The following CAP2 variants were observed in gnomAD, a reference collection of about 807,000 sequenced individuals.
The protein encoded by CAP2 is adenylyl cyclase-associated protein 2.
Under a neutral mutation model 57.7 loss-of-function variants are expected in CAP2, and 24 were observed. That is an observed-to-expected ratio of 0.42 (90% CI 0.30 to 0.58). CAP2 has a LOEUF of 0.58. Ranked by LOEUF, CAP2 falls within the 20% of genes least tolerant of loss-of-function variation. The pLI, the probability that CAP2 is intolerant of heterozygous loss-of-function variation, is 0.22. For synonymous variants in CAP2, 194 were observed against 207.2 expected, an observed-to-expected ratio of 0.94 and a Z score of 0.55; for missense variants, 501 against 590.3, an observed-to-expected ratio of 0.85 and a Z score of 1.57.
At chr6:17,413,473 C>G (rs147172951) in intron 1 of CAP2, among the ~76,000 whole-genome samples, 6 of 152,262 alleles carry the variant, frequency 3.9e-5, no homozygotes, top group South Asian at 4.1e-4. Context: ...GGTTTGCTTT[C>G]AGCCCCCTCA....
chr6:17,474,184 TC>T (rs368859642), intron 4 of CAP2, among the ~76,000 whole-genome samples: 1,077 of 99,142 alleles, frequency 0.011, 15 homozygotes, highest in African/African-American at 0.048. Context: ...AAAAAAACAG[TC>T]TTTTTTTTTT....
rs759649009 is a variant in CAP2, at chr6:17,539,287, G to A, written c.655G>A (p.Val219Ile). Residue 219 changes from valine (V) to isoleucine (I), a missense_variant, in exon 8 of 13, where the codon GTA becomes ATA. Physicochemically the swap from Val to Ile is conservative, Grantham distance 29. Coordinates refer to ENST00000229922, the MANE Select transcript of CAP2 (RefSeq NM_006366.3). ...TTCTCAGGGTCCTGTAGCATCCACAGTATCAGCGTTTTCTGTCCTCTCCTC... is the reference window on the plus strand; with the variant it reads ...TTCTCAGGGTCCTGTAGCATCCACAATATCAGCGTTTTCTGTCCTCTCCTC... Reference protein sequence around the residue: ...WSKTGPVASTVSAFSVLSSGP... With the variant: ...WSKTGPVASTISAFSVLSSGP... 3.8e-5 allele frequency: 62 copies of A among 1,613,544 alleles called. No individual in the cohort carries two copies. The highest frequency in any genetic ancestry group is 5.2e-5 in the Non-Finnish European group (61 of 1,179,770).
At chr6:17,507,618 G>T in intron 5 of CAP2, 23 bp from the exon 6 acceptor site, 9 of 1,391,056 alleles carry the variant, frequency 6.5e-6, no homozygotes, top group Non-Finnish European at 9.2e-6. Context: ...TTCTATGCTT[G>T]GGTGACGGTC....
intron 7 of CAP2, among the ~76,000 whole-genome samples, chr6:17,521,116 TAG>T (rs923509369): frequency 9.9e-5 from 15 of 152,180 alleles, no homozygotes; most frequent in Non-Finnish European, 2.1e-4. Context: ...CAACAGGGGT[TAG>T]AAGTGTCATC....
At chr6:17,487,903 C>T (rs542440417) in intron 4 of CAP2, among the ~76,000 whole-genome samples, 1 of 152,236 alleles carries the variant, frequency 6.6e-6, no homozygotes, top group East Asian at 1.9e-4. Context: ...CTCAGCCTGC[C>T]TAGTAGCTGG....
intron 11 of CAP2, among the ~76,000 whole-genome samples, chr6:17,550,824 G>A (rs904774066): frequency 2.6e-5 from 4 of 152,088 alleles, no homozygotes; most frequent in South Asian, 4.1e-4. Flanking sequence ...TATAATGAGT[G>A]TCCTGAGCCA....
At chr6:17,548,299 G>A (rs751619781) in intron 11 of CAP2, among the ~76,000 whole-genome samples, 4 of 151,638 alleles carry the variant, frequency 2.6e-5, no homozygotes, top group South Asian at 2.1e-4. Context: ...CCTGGGAGGC[G>A]GAGGTTGCAG....
intron 1 of CAP2, among the ~76,000 whole-genome samples, chr6:17,416,403 C>T (rs1759276056): frequency 1.3e-5 from 2 of 152,278 alleles, no homozygotes; most frequent in South Asian, 4.1e-4. Flanking sequence ...TACCTTTATA[C>T]TTAATGGCAA....
intron 1 of CAP2, among the ~76,000 whole-genome samples, chr6:17,412,144 C>T (rs944720203): frequency 3.3e-5 from 5 of 152,076 alleles, no homozygotes; most frequent in Admixed American, 6.5e-5. Context: ...ATGTACTTAG[C>T]CTTCCCCATG....
At chr6:17,495,968 C>T (rs823434) in intron 4 of CAP2, among the ~76,000 whole-genome samples, 10,964 of 138,972 alleles carry the variant, frequency 0.079, 1,354 homozygotes, top group African/African-American at 0.28. Flanking sequence ...GCTATGCCAG[C>T]AGCCCATCCA....
intron 3 of CAP2, among the ~76,000 whole-genome samples, chr6:17,427,364 A>G (rs564691408): frequency 1.3e-5 from 2 of 152,280 alleles, no homozygotes; most frequent in Admixed American, 6.5e-5. Flanking sequence ...CAGAGGACTC[A>G]GGGCGATTTG....
intron 7 of CAP2, among the ~76,000 whole-genome samples, chr6:17,519,188 A>G (rs1439984759): frequency 6.6e-6 from 1 of 152,148 alleles, no homozygotes; most frequent in Non-Finnish European, 1.5e-5. Context: ...TCCCTGAGTT[A>G]ACAGTTGGAG....
In CAP2 at chr6:17,513,860, A is replaced by G. The variant is rs1013334096; in HGVS notation, c.542A>G (p.His181Arg). 1.2e-6 allele frequency: 2 copies of G among 1,609,996 alleles called. No homozygotes were observed. Among genetic ancestry groups the G allele is most frequent in the African/African-American group, 2.7e-5 (2 of 74,842 alleles). ...CTTTCACAACAAAGTGATTTGCGTC[A>G]TGTGGATTGGGTGAAGTCATATTTG... The part of the protein sequence containing the change: ...LKDYKHSDLR[H>R]VDWVKSYLNI... The change falls in exon 7 of 13, where the codon CAT (histidine) becomes CGT (arginine). Residue 181 changes from histidine to arginine, a missense_variant. By Grantham distance (29) the His-to-Arg change is conservative. Coordinates refer to ENST00000229922, the MANE Select transcript of CAP2 (RefSeq NM_006366.3). This position sits in a 1 kb window ranked among gnomAD's most constrained non-coding sequence, Gnocchi z 4.3.
chr6:17,553,718 G>A (rs1239256108), intron 12 of CAP2, among the ~76,000 whole-genome samples: 4 of 152,020 alleles, frequency 2.6e-5, no homozygotes, highest in African/African-American at 9.7e-5. Flanking sequence ...GAGCTGGTAG[G>A]GAACAACACA....
At chr6:17,428,075 A>C (rs1759635981) in intron 3 of CAP2, among the ~76,000 whole-genome samples, 1 of 152,210 alleles carries the variant, frequency 6.6e-6, no homozygotes, top group Non-Finnish European at 1.5e-5. Context: ...AACTATGTGA[A>C]TATACTTAAC....
At chr6:17,467,285 A>G (rs1009209722) in intron 4 of CAP2, among the ~76,000 whole-genome samples, 2 of 152,216 alleles carry the variant, frequency 1.3e-5, no homozygotes, top group African/African-American at 4.8e-5. Flanking sequence ...GTTTGTGGTA[A>G]TTTGTAACAC....
At chr6:17,397,474 C>T (rs1281012668) in intron 1 of CAP2, among the ~76,000 whole-genome samples, 1 of 151,782 alleles carries the variant, frequency 6.6e-6, no homozygotes, top group Non-Finnish European at 1.5e-5. Context: ...GCGGGCGCAT[C>T]ACGAGGTCAG....
At chr6:17,436,082 T>TTCCTTCCTTCC (rs1561782653) in intron 3 of CAP2, among the ~76,000 whole-genome samples, 172 of 77,500 alleles carry the variant, frequency 2.2e-3, no homozygotes, top group African/African-American at 7.6e-3. Context: ...TCTTTCTTTC[T>TTCCTTCCTTCC]TTCTTTCCTT....
At chr6:17,413,993 G>A (rs1759209074) in intron 1 of CAP2, among the ~76,000 whole-genome samples, 1 of 151,620 alleles carries the variant, frequency 6.6e-6, no homozygotes. Context: ...GGCGGAGATT[G>A]CAGTGAGCCA....
Sources: gnomAD v4.1 joint callset for allele counts (sites outside exome capture counted in the v4.1 genomes callset) on GRCh38, gnomAD v4.1.1 for gene constraint, Gnocchi (gnomAD v3.1) non-coding constraint, MANE v1.5 for transcripts, NCBI Gene and HGNC (gene_info 2026-07-23, HGNC 2026-07-21) for gene names.